EPHA5: variants seen among roughly 807,000 people sequenced by gnomAD.
EPHA5 encodes the protein ephrin type-A receptor 5.
In EPHA5, 60 loss-of-function variants were observed where a neutral mutation model predicts 105.0. The observed-to-expected ratio is 0.57, with a 90% confidence interval of 0.46 to 0.71. The LOEUF is 0.71. EPHA5 is among the 30% of genes least tolerant of loss of function. The pLI, the probability that EPHA5 is intolerant of heterozygous loss-of-function variation, is 0.00. For synonymous variants in EPHA5, 513 were observed against 449.1 expected, an observed-to-expected ratio of 1.14 and a Z score of -1.80; for missense variants, 1,218 against 1,274.7, an observed-to-expected ratio of 0.96 and a Z score of 0.68.
intron 3 of EPHA5, among the ~76,000 whole-genome samples, chr4:65,536,026 G>A (rs4569800): frequency 0.98 from 149,121 of 152,068 alleles, 73,184 homozygotes; most frequent in East Asian, 1. Flanking sequence ...AACTTTAAAA[G>A]TACTAATATG....
chr4:65,417,740 A>C (rs754696647), intron 6 of EPHA5, among the ~76,000 whole-genome samples: 87 of 152,266 alleles, frequency 5.7e-4, no homozygotes, highest in Non-Finnish European at 1.0e-3. Context: ...AAATTAAACT[A>C]TAAAGAAAAT....
intron 14 of EPHA5, among the ~76,000 whole-genome samples, chr4:65,340,612 G>C (rs1721621040): frequency 6.6e-6 from 1 of 152,086 alleles, no homozygotes; most frequent in African/African-American, 2.4e-5. Flanking sequence ...ATAAGGACCA[G>C]GTGACATCCT....
intron 1 of EPHA5, 171 bp downstream of exon 1, chr4:65,669,391 A>G: frequency 1.0e-6 from 1 of 984,896 alleles, no homozygotes; most frequent in Non-Finnish European, 1.2e-6. Context: ...GCAACCAAAA[A>G]CCGCAGAGGG....
intron 8 of EPHA5, among the ~76,000 whole-genome samples, chr4:65,367,945 C>T (rs1459987157): frequency 2.6e-5 from 4 of 152,012 alleles, no homozygotes; most frequent in Non-Finnish European, 5.9e-5. Context: ...TTCACCACAA[C>T]TTGCAAAGCC....
chr4:65,519,997 T>A (rs542784780), intron 3 of EPHA5, among the ~76,000 whole-genome samples: 1 of 152,176 alleles, frequency 6.6e-6, no homozygotes, highest in Non-Finnish European at 1.5e-5. Flanking sequence ...AAGCTACCAA[T>A]GACTTTCTTC....
At position 65,341,194 on chromosome 4, in the gene EPHA5, T is replaced by A. The variant is rs751506049; in HGVS notation, c.2596-5069A>T. ...TCATAGCCATGCAGGCTGTTTTTAA[T>A]TATCTAAATTCATCCATATTACAAA... On this transcript the variant is annotated intron_variant, in intron 14 of 16. Transcript: ENST00000613740. 1.3e-3 allele frequency among the ~76,000 whole-genome samples: 191 copies of A among 152,268 alleles called. 1 individual carries two copies. Among genetic ancestry groups the A allele is most frequent in the Non-Finnish European group, 2.0e-3 (134 of 68,042 alleles).
intron 5 of EPHA5, among the ~76,000 whole-genome samples, chr4:65,473,927 T>C (rs1226342458): frequency 6.6e-6 from 1 of 150,422 alleles, no homozygotes; most frequent in Non-Finnish European, 1.5e-5. Flanking sequence ...CTTTAATATC[T>C]ATAGCATATT....
At chr4:65,333,452 C>T (rs554490122) in intron 15 of EPHA5, among the ~76,000 whole-genome samples, 25 of 151,604 alleles carry the variant, frequency 1.6e-4, no homozygotes, top group South Asian at 1.2e-3. Context: ...AACACCACTA[C>T]CACCTCCCAC....
At chr4:65,465,663 CAG>C (rs1728647900) in intron 5 of EPHA5, among the ~76,000 whole-genome samples, 1 of 152,064 alleles carries the variant, frequency 6.6e-6, no homozygotes, top group South Asian at 2.1e-4. Context: ...AGGAATATGA[CAG>C]ATGTTGCCCA....
intron 1 of EPHA5, among the ~76,000 whole-genome samples, chr4:65,664,307 T>C (rs1219807157): frequency 2.0e-5 from 3 of 151,940 alleles, no homozygotes; most frequent in Admixed American, 6.6e-5. Context: ...CCTTCAAAAA[T>C]TGTTATTAGT....
rs529066273 is a variant in EPHA5 at position 65,592,498 on chromosome 4, C to T, written c.910+9143G>A. Among the ~76,000 whole-genome samples the T allele has an allele frequency of 1.1e-3, 172 of 150,964 alleles. 1 individual carries two copies. Among genetic ancestry groups the T allele is most frequent in the Middle Eastern group, 3.4e-3 (1 of 294 alleles). ...AGCTGGCTACATCCTCAAGAGGACTCCGAGTTAAAAAAAAACAAAAAGAAA... is the reference window on the plus strand; with the variant it reads ...AGCTGGCTACATCCTCAAGAGGACTTCGAGTTAAAAAAAAACAAAAAGAAA... On this transcript the variant is annotated intron_variant, in intron 3 of 16. Transcript: ENST00000613740.
chr4:65,632,843 A>G (rs1271721349), intron 2 of EPHA5, among the ~76,000 whole-genome samples: 1 of 152,080 alleles, frequency 6.6e-6, no homozygotes, highest in Non-Finnish European at 1.5e-5. Context: ...ATGTTGTATA[A>G]CTTGAGCTGT....
At chr4:65,464,194 C>G (rs73222142) in intron 5 of EPHA5, among the ~76,000 whole-genome samples, 26,866 of 151,632 alleles carry the variant, frequency 0.18, 2,666 homozygotes, top group African/African-American at 0.24. Context: ...TAGGAGTTCA[C>G]AAATTTGAAT....
intron 13 of EPHA5, among the ~76,000 whole-genome samples, chr4:65,351,028 A>C (rs1260730423): frequency 1.3e-5 from 1 of 79,218 alleles, no homozygotes; most frequent in African/African-American, 4.2e-5. Flanking sequence ...AGACACATAC[A>C]TACTATATAT....
chr4:65,386,466 C>A (rs1465279499), intron 8 of EPHA5, among the ~76,000 whole-genome samples: 1 of 151,758 alleles, frequency 6.6e-6, no homozygotes, highest in African/African-American at 2.4e-5. Context: ...TATGCATTGA[C>A]CCTTACTTTG....
intron 5 of EPHA5, among the ~76,000 whole-genome samples, chr4:65,436,992 G>A (rs1003635880): frequency 6.6e-6 from 1 of 151,908 alleles, no homozygotes; most frequent in Admixed American, 6.6e-5. Flanking sequence ...TCACTGCCAG[G>A]AATTTATTAA....
At chr4:65,430,358 T>A (rs908774103) in intron 5 of EPHA5, among the ~76,000 whole-genome samples, 7 of 152,038 alleles carry the variant, frequency 4.6e-5, no homozygotes, top group African/African-American at 1.7e-4. Flanking sequence ...GTGCTCAAGA[T>A]GTATTTTGAA....
At chr4:65,371,594 C>T (rs758952116) in intron 8 of EPHA5, among the ~76,000 whole-genome samples, 7 of 151,882 alleles carry the variant, frequency 4.6e-5, no homozygotes, top group African/African-American at 9.7e-5. Context: ...AAATTTGGGA[C>T]TTGATAATGA....
At chr4:65,512,058 C>T (rs115404406) in intron 3 of EPHA5, among the ~76,000 whole-genome samples, 2 of 152,042 alleles carry the variant, frequency 1.3e-5, no homozygotes, top group Non-Finnish European at 2.9e-5. Context: ...TTGATAAGTG[C>T]TATAAGAGGT....
Sources: allele counts gnomAD v4.1 joint callset (sites outside exome capture counted in the v4.1 genomes callset), GRCh38; gene constraint gnomAD v4.1.1; transcripts MANE v1.5; gene names NCBI Gene and HGNC (gene_info 2026-07-23, HGNC 2026-07-21).